NBEA: variants seen among roughly 807,000 people sequenced by gnomAD.
NBEA encodes the protein neurobeachin.
NBEA carries 44 observed loss-of-function variants against 343.4 expected under a neutral mutation model. That is an observed-to-expected ratio of 0.13 (90% confidence interval 0.10 to 0.16). The LOEUF is 0.16. Ranked by LOEUF, NBEA falls within the 10% of genes least tolerant of loss-of-function variation. NBEA has a pLI of 1.00. For synonymous variants in NBEA, 1,175 were observed against 1,238.7 expected (o/e 0.95, Z 1.08); for missense variants, 2,555 against 3,631.3 (o/e 0.70, Z 7.62).
Position 35,399,299 on chromosome 13 carries a change from C to T in NBEA, c.6180-32970C>T, listed in dbSNP as rs117255575. Among the ~76,000 whole-genome samples the T allele has an allele frequency of 2.2e-3, 335 of 152,156 alleles. 2 individuals are homozygous for T. The highest frequency in any genetic ancestry group is 5.0e-3 in the Admixed American group (76 of 15,246). On this transcript the variant is annotated intron_variant, in intron 38 of 58. Coordinates refer to ENST00000379939, the MANE Select transcript of NBEA (RefSeq NM_001385012.1). ...TTTTCACACTGTTTTAAAGATAGTGCCAGAGACTGGGTAATTTATTAAAGG... is the reference window on the plus strand; with the variant it reads ...TTTTCACACTGTTTTAAAGATAGTGTCAGAGACTGGGTAATTTATTAAAGG...
At chr13:35,605,178 A>G (rs975158540) in intron 47 of NBEA, among the ~76,000 whole-genome samples, 1 of 152,202 alleles carries the variant, frequency 6.6e-6, no homozygotes, top group Non-Finnish European at 1.5e-5. Context: ...ATTTATCCAG[A>G]AAAATCATTT....
intron 41 of NBEA, chr13:35,476,927 G>A (rs543291863): frequency 2.2e-4 from 122 of 560,912 alleles, no homozygotes; most frequent in Non-Finnish European, 2.8e-4. Context: ...ATTACTTGAA[G>A]CATATTGACG....
chr13:35,471,289 A>G (rs2075636436), intron 40 of NBEA, among the ~76,000 whole-genome samples: 1 of 152,056 alleles, frequency 6.6e-6, no homozygotes, highest in Non-Finnish European at 1.5e-5. Context: ...GCGGGGGCCG[A>G]GGGCGGTGTC....
chr13:34,946,753 C>A (rs1433435390), intron 1 of NBEA, among the ~76,000 whole-genome samples: 1 of 148,916 alleles, frequency 6.7e-6, no homozygotes, highest in Non-Finnish European at 1.5e-5. Flanking sequence ...AACTGGAAGC[C>A]TAATAAGATG....
In NBEA at chr13:35,671,225, A is replaced by G; in HGVS notation, c.*234A>G. ...TATCATGTAAATTATATGAATTAGG[A>G]GATGTTTTGGTAATTATTTCATATA... On this transcript the variant is annotated 3_prime_UTR_variant, in exon 59 of 59. Transcript: ENST00000379939. 2.4e-6 allele frequency: 1 copy of G among 413,106 alleles called. No homozygotes were observed. The allele number at this position is 413,106 out of a possible 1,614,324, so 25.6% of individuals were successfully genotyped here. A position where few individuals can be genotyped will look rare whatever the true frequency, so the allele number is the denominator to read the frequency against.
At chr13:35,453,696 C>G (rs1386942579) in intron 40 of NBEA, among the ~76,000 whole-genome samples, 1 of 152,108 alleles carries the variant, frequency 6.6e-6, no homozygotes, top group East Asian at 1.9e-4. Context: ...TCCTTTGTTC[C>G]TACTGAAGAT....
chr13:35,155,095 A>G (rs1243003809), intron 18 of NBEA, among the ~76,000 whole-genome samples: 1 of 142,994 alleles, frequency 7.0e-6, no homozygotes, highest in African/African-American at 2.6e-5. Flanking sequence ...GTGCCGCTGC[A>G]GTCCAGCCTG....
chr13:35,500,279 G>A (rs1403248861), intron 41 of NBEA, among the ~76,000 whole-genome samples: 1 of 152,134 alleles, frequency 6.6e-6, no homozygotes. Context: ...GTTTAACAAG[G>A]GTCAAATTAA....
intron 38 of NBEA, among the ~76,000 whole-genome samples, chr13:35,426,597 C>T (rs1264475812): frequency 6.6e-6 from 1 of 152,146 alleles, no homozygotes; most frequent in Non-Finnish European, 1.5e-5. Flanking sequence ...TTCATTTCAA[C>T]TTTGGTGAAT....
chr13:35,108,223 C>T (rs1475423280), intron 11 of NBEA, among the ~76,000 whole-genome samples: 1 of 151,952 alleles, frequency 6.6e-6, no homozygotes, highest in East Asian at 1.9e-4. Flanking sequence ...ATAGGTGATT[C>T]TTTACCCTAT....
intron 38 of NBEA, among the ~76,000 whole-genome samples, chr13:35,360,913 G>T (rs2040771534): frequency 6.6e-6 from 1 of 151,946 alleles, no homozygotes; most frequent in Non-Finnish European, 1.5e-5. Context: ...AGAGGAGAAA[G>T]AAATTGGTAC....
intron 1 of NBEA, among the ~76,000 whole-genome samples, chr13:34,978,301 A>G (rs1014269960): frequency 6.6e-6 from 1 of 152,184 alleles, no homozygotes; most frequent in Non-Finnish European, 1.5e-5. Context: ...GAATTGAAAA[A>G]ATTTTATAGT....
At chr13:35,301,754 T>C (rs73169726) in intron 35 of NBEA, among the ~76,000 whole-genome samples, 6,994 of 152,160 alleles carry the variant, frequency 0.046, 202 homozygotes, top group South Asian at 0.079. Flanking sequence ...GATCCTTGAA[T>C]CGCCACACTG....
rs1450253561 is a variant in NBEA, at chr13:35,159,447, T to A, written c.3276T>A (p.Val1092=). Residue 1092 remains valine (V), a synonymous_variant, in exon 22 of 59, where the codon GTT becomes GTA. Coordinates refer to ENST00000379939, the MANE Select transcript of NBEA (RefSeq NM_001385012.1). The stretch of plus-strand genomic sequence containing the variant: ...GAGAGAATGGTGCCCTTGTGGAGGT[T>A]GAATCTCTGTTGGATAATGTATATA... The part of the protein sequence containing the change: ...VGGENGALVE[V]ESLLDNVYSA... 1 of 1,613,436 alleles carries A rather than the reference T, an allele frequency of 6.2e-7. No individual in the cohort carries two copies. Among genetic ancestry groups the A allele is most frequent in the Non-Finnish European group, 8.5e-7 (1 of 1,179,664 alleles).
intron 29 of NBEA, 73 bp from the exon 30 acceptor site, chr13:35,183,903 A>T: frequency 9.6e-7 from 1 of 1,045,938 alleles, no homozygotes. Flanking sequence ...CAGAATTGTC[A>T]TGGATCTTCA....
At chr13:35,586,142 A>G (rs1453256413) in intron 46 of NBEA, among the ~76,000 whole-genome samples, 1 of 152,202 alleles carries the variant, frequency 6.6e-6, no homozygotes, top group Non-Finnish European at 1.5e-5. Context: ...ACATTGGTAA[A>G]GCAGAGTATA....
At chr13:35,055,934 T>C in intron 6 of NBEA, 76 bp from the exon 7 acceptor site, 1 of 1,217,074 alleles carries the variant, frequency 8.2e-7, no homozygotes, top group Non-Finnish European at 1.1e-6. Context: ...TGTAGGGTTT[T>C]ATGAATGTTA....
At chr13:34,985,801 A>C (rs1002745021) in intron 1 of NBEA, among the ~76,000 whole-genome samples, 4 of 150,786 alleles carry the variant, frequency 2.7e-5, no homozygotes, top group African/African-American at 9.7e-5. Context: ...CATTTCTTCT[A>C]GATTTTCTAG....
chr13:34,954,915 A>G (rs970483684), intron 1 of NBEA, among the ~76,000 whole-genome samples: 4 of 152,200 alleles, frequency 2.6e-5, no homozygotes, highest in Non-Finnish European at 4.4e-5. Context: ...TGTAGAACTC[A>G]TGGATACAGA....
Sources: gnomAD v4.1 joint callset for allele counts (sites outside exome capture counted in the v4.1 genomes callset) on GRCh38, gnomAD v4.1.1 for gene constraint, MANE v1.5 for transcripts, NCBI Gene and HGNC (gene_info 2026-07-23, HGNC 2026-07-21) for gene names.